The following NRAP variants were observed in gnomAD, a reference collection of about 807,000 sequenced individuals.
The protein encoded by NRAP is nebulin-related-anchoring protein.
A neutral mutation model predicts 225.9 loss-of-function variants in NRAP; 189 were observed. That is an observed-to-expected ratio of 0.84 (90% CI 0.74 to 0.94). The LOEUF (loss-of-function observed/expected upper bound fraction) is 0.94. Ranked by LOEUF, NRAP falls within the 40% of genes least tolerant of loss-of-function variation. The probability of loss-of-function intolerance (pLI) is 0.00; values close to 1 mark genes in which losing one functional copy is unlikely to be tolerated. For missense variants in NRAP, 2,176 were observed against 2,168.7 expected, an observed-to-expected ratio of 1.00 and a Z score of -0.07; for synonymous variants, 769 against 790.7, an observed-to-expected ratio of 0.97 and a Z score of 0.46.
intron 3 of NRAP, among the ~76,000 whole-genome samples, chr10:113,660,166 T>C (rs1268854263): frequency 6.6e-6 from 1 of 151,520 alleles, no homozygotes; most frequent in South Asian, 2.1e-4. Context: ...CATATATACA[T>C]ACCACATATG....
chr10:113,626,885 C>T (rs1015337196), intron 20 of NRAP, among the ~76,000 whole-genome samples: 1 of 152,220 alleles, frequency 6.6e-6, no homozygotes, highest in Non-Finnish European at 1.5e-5. Context: ...TTCTGTCCCC[C>T]CTCCGGGACT....
At chr10:113,617,627 G>A in intron 25 of NRAP, 74 bp from the exon 26 acceptor site, 4 of 889,580 alleles carry the variant, frequency 4.5e-6, no homozygotes, top group Non-Finnish European at 7.7e-6. Context: ...GAAAATCATA[G>A]GTTGCTTGAG....
chr10:113,631,590 A>AT lies in NRAP; in HGVS notation c.1760dup (p.Tyr587Ter). 1 of 1,609,224 alleles carries AT rather than the reference A, an allele frequency of 6.2e-7. No homozygotes were observed. The highest frequency in any genetic ancestry group is 1.7e-5 in the Admixed American group (1 of 59,896). The change falls in exon 18 of 42, where the codon TAT becomes TAAT. Residue 587 changes from tyrosine (Y) to a stop codon, truncating the protein, a stop_gained and frameshift_variant. Coordinates refer to ENST00000359988, the MANE Select transcript of NRAP (RefSeq NM_198060.4). LOFTEE classifies it high-confidence loss of function. ...LASNIKYKEE[Y>*]EKTKGKAMGT... is the part of the protein sequence containing the mutation. ...CCATGGCTTTGCCTTTTGTCTTTTC[A>AT]TATTCTTCTTTATATTTAATCTTGA...
chr10:113,652,568 C>T lies in NRAP; in HGVS notation c.570+367G>A, dbSNP rs1850043642. 2.7e-5 allele frequency among the ~76,000 whole-genome samples: 4 copies of T among 150,918 alleles called. No homozygotes were observed. The South Asian group carries it at 8.4e-4, about 32-fold the overall frequency. On this transcript the variant is annotated intron_variant, in intron 6 of 41. Transcript: ENST00000359988. ...CTGAGGCAGGAGAATCACTTGAACC[C>T]AGGAGGCAGAGGTTGCAGTGAGCCA...
intron 22 of NRAP, among the ~76,000 whole-genome samples, chr10:113,624,359 G>C (rs550751082): frequency 4.6e-5 from 7 of 152,242 alleles, no homozygotes; most frequent in Non-Finnish European, 8.8e-5. Context: ...TTGATGTATA[G>C]AGACTCACTG....
At chr10:113,632,037 G>A (rs1848610991) in intron 16 of NRAP, 73 bp from the exon 17 acceptor site, 5 of 977,264 alleles carry the variant, frequency 5.1e-6, no homozygotes, top group Non-Finnish European at 6.6e-6. Flanking sequence ...TTTTTTCAAA[G>A]CAAAGTTGGA....
chr10:113,646,688 C>G (rs1328363628), intron 10 of NRAP, among the ~76,000 whole-genome samples: 1 of 152,242 alleles, frequency 6.6e-6, no homozygotes, highest in Non-Finnish European at 1.5e-5. Context: ...TGGCCAGCCT[C>G]TGTACTTGCT....
intron 13 of NRAP, among the ~76,000 whole-genome samples, chr10:113,640,867 A>G (rs1416101381): frequency 2.0e-5 from 3 of 152,206 alleles, no homozygotes; most frequent in Non-Finnish European, 4.4e-5. Flanking sequence ...AGTATATGCT[A>G]CAGGGGAAAA....
chr10:113,654,055 A>G lies in NRAP; in HGVS notation c.431T>C (p.Val144Ala). The change falls in exon 5 of 42, where the codon GTA becomes GCA. Residue 144 changes from valine (V) to alanine (A), a missense_variant. This residue lies in a region of NRAP where 1,708 missense variants were observed against 1,695.5 expected (regional missense o/e 1.01). Transcript: ENST00000359988. The part of the protein sequence containing the change: ...CPGALPDPEI[V>A]RMVEARKSLG... Reference sequence around the variant, plus strand: ...AGACTTTCGAGCCTCAACCATCCTTACAATTTCGGGGTCTGGCAGAGCTCC... The same window carrying G: ...AGACTTTCGAGCCTCAACCATCCTTGCAATTTCGGGGTCTGGCAGAGCTCC... The G allele has an allele frequency of 6.2e-7, 1 of 1,613,616 alleles. No homozygotes were observed. Among genetic ancestry groups the G allele is most frequent in the Non-Finnish European group, 8.5e-7 (1 of 1,179,606 alleles).
rs3121477 is a variant in NRAP, at chr10:113,645,707, G to A, written c.1110+118C>T. 0.58 allele frequency: 328,979 copies of A among 569,726 alleles called. 97,593 individuals are homozygous for A. The highest frequency in any genetic ancestry group is 0.71 in the East Asian group (23,957 of 33,600). The allele number at this position is 569,726 out of a possible 1,614,324, so 35.3% of individuals were successfully genotyped here. ...GCTGGGATCACAGGCGTGAGCCACC[G>A]CACCTGGCCGGTGTCACACTTTTAA... is the stretch of plus-strand genomic sequence containing the variant. On this transcript the variant is annotated intron_variant, in intron 11 of 41. Coordinates refer to ENST00000359988, the MANE Select transcript of NRAP (RefSeq NM_198060.4).
rs565801375 is a variant in NRAP, at chr10:113,591,830, T to A, written c.4644+364A>T. Among the ~76,000 whole-genome samples the A allele has an allele frequency of 3.3e-5, 5 of 152,358 alleles. No individual in the cohort carries two copies. The South Asian group carries it at 6.2e-4, about 19-fold the overall frequency. ...GAGCCAGGATTTGAACTTGTCCATC[T>A]AGGGCAAAAGCCCTATCTCTTTCTA... On this transcript the variant is annotated intron_variant, in intron 39 of 41. Coordinates refer to ENST00000359988, the MANE Select transcript of NRAP (RefSeq NM_198060.4).
At chr10:113,651,256 C>A (rs915485428) in intron 7 of NRAP, among the ~76,000 whole-genome samples, 2 of 152,212 alleles carry the variant, frequency 1.3e-5, no homozygotes, top group African/African-American at 4.8e-5. Context: ...CTCCCTCCAC[C>A]TCCAAGCAAG....
chr10:113,613,518 C>T (rs1361853), intron 29 of NRAP, among the ~76,000 whole-genome samples: 28,534 of 152,186 alleles, frequency 0.19, 2,900 homozygotes, highest in Non-Finnish European at 0.22. Flanking sequence ...GCCTCTGTAA[C>T]ATGCTGGATA....
chr10:113,615,125 CCT>C (rs1335115363), intron 27 of NRAP, among the ~76,000 whole-genome samples, 179 bp from the exon 28 acceptor site: 1 of 151,988 alleles, frequency 6.6e-6, no homozygotes, highest in Non-Finnish European at 1.5e-5. Flanking sequence ...CTCGTGCCCA[CCT>C]CTTTGGAGGT....
chr10:113,658,646 C>T (rs1850460531), intron 3 of NRAP, among the ~76,000 whole-genome samples: 1 of 151,996 alleles, frequency 6.6e-6, no homozygotes, highest in Non-Finnish European at 1.5e-5. Flanking sequence ...TTTGGGAGGC[C>T]AAGGCAGGTG....
rs1592706990 is a variant in NRAP at position 113,588,858 on chromosome 10, G to A, written c.*117C>T. On this transcript the variant is annotated 3_prime_UTR_variant, in exon 42 of 42. Transcript: ENST00000359988. ...TTTCAGAGTTATTATTTTAATAAAG[G>A]AAGATCTGGGATGGGCTGGTGGGCC... 1 of 728,456 alleles carries A rather than the reference G, an allele frequency of 1.4e-6. No homozygotes were observed. 45.1% of individuals were successfully genotyped at this position (728,456 alleles called of 1,614,324 possible).
intron 4 of NRAP, 60 bp from the exon 5 acceptor site, chr10:113,654,185 C>T: frequency 2.2e-6 from 2 of 920,548 alleles, no homozygotes; most frequent in Non-Finnish European, 1.8e-6. Context: ...GCAACACTTA[C>T]ATACATTGTC....
chr10:113,631,874 C>T lies in NRAP; in HGVS notation c.1723G>A (p.Gly575Arg). ...AMSLLAAKAS[G>R]ELASNIKYKE... ...AAACGTACATTGCTAGCAAGCTCCCCAGAGGCTTTGGCGGCCAGCAGAGAC... is the reference window on the plus strand; with the variant it reads ...AAACGTACATTGCTAGCAAGCTCCCTAGAGGCTTTGGCGGCCAGCAGAGAC... The change falls in exon 17 of 42, where the codon GGG (glycine) becomes AGG (arginine). Residue 575 changes from glycine (G) to arginine (R), a missense_variant. Transcript: ENST00000359988. The T allele has an allele frequency of 1.2e-6, 2 of 1,611,530 alleles. No homozygotes were observed. Among genetic ancestry groups the T allele is most frequent in the Non-Finnish European group, 1.7e-6 (2 of 1,177,612 alleles).
chr10:113,606,928 C>A (rs116621092), intron 32 of NRAP, among the ~76,000 whole-genome samples: 6 of 151,924 alleles, frequency 3.9e-5, no homozygotes, highest in African/African-American at 1.5e-4. Context: ...TAGGGCCAGG[C>A]GTGGTGGTTC....
Sources: gnomAD v4.1 joint callset for allele counts (sites outside exome capture counted in the v4.1 genomes callset) on GRCh38, gnomAD v4.1.1 for gene constraint, gnomAD v4.1.1 regional missense constraint, MANE v1.5 for transcripts, NCBI Gene and HGNC (gene_info 2026-07-23, HGNC 2026-07-21) for gene names.